GCNT2: variants seen among roughly 807,000 people sequenced by gnomAD.
GCNT2 encodes the protein glucosaminyl (N-acetyl) transferase 2 (I blood group), also known as N-acetyllactosaminide beta-1,6-N-acetylglucosaminyl-transferase.
GCNT2 carries 34 observed loss-of-function variants against 34.2 expected under a neutral mutation model. The ratio of observed to expected loss-of-function variants is 1.00; its 90% CI spans 0.76 to 1.32. The LOEUF (loss-of-function observed/expected upper bound fraction) is 1.32. Among genes scored for constraint, GCNT2 ranks in the 40% most tolerant of loss-of-function variants. The pLI is 0.00. For synonymous variants in GCNT2, 212 were observed against 188.0 expected (o/e 1.13, Z -1.04); for missense variants, 584 against 489.4 (o/e 1.19, Z -1.82).
intron 3 of GCNT2, chr6:10,556,387 T>C: frequency 3.1e-6 from 5 of 1,612,542 alleles, no homozygotes; most frequent in Non-Finnish European, 4.2e-6. Flanking sequence ...ACTTACAGAT[T>C]TTGACGGTCT....
intron 3 of GCNT2, among the ~76,000 whole-genome samples, chr6:10,570,021 G>A (rs1763487314): frequency 6.7e-6 from 1 of 150,370 alleles, no homozygotes; most frequent in Admixed American, 6.7e-5. Context: ...CCAGGCTGGA[G>A]TGCATGGCGT....
intron 3 of GCNT2, among the ~76,000 whole-genome samples, chr6:10,599,194 GTAAC>G (rs145130929): frequency 0.028 from 4,292 of 152,266 alleles, 82 homozygotes; most frequent in Middle Eastern, 0.048. Flanking sequence ...GAGGAGCAGA[GTAAC>G]TAAGAATCTG....
chr6:10,535,191 A>G (rs1011132690), intron 3 of GCNT2, among the ~76,000 whole-genome samples: 1 of 152,098 alleles, frequency 6.6e-6, no homozygotes, highest in Non-Finnish European at 1.5e-5. Context: ...CTCAAAAACA[A>G]AAACAGACAA....
chr6:10,594,409 C>T (rs1162958196), intron 3 of GCNT2, among the ~76,000 whole-genome samples: 1 of 152,138 alleles, frequency 6.6e-6, no homozygotes, highest in Non-Finnish European at 1.5e-5. Flanking sequence ...ATGCAAATAA[C>T]TGATATTTGG....
At chr6:10,545,056 G>C (rs1581385876) in intron 3 of GCNT2, among the ~76,000 whole-genome samples, 3 of 152,150 alleles carry the variant, frequency 2.0e-5, no homozygotes, top group African/African-American at 7.2e-5. Flanking sequence ...ACTATGATTA[G>C]ATTCCTTTTC....
chr6:10,537,562 G>A (rs776110669), intron 3 of GCNT2, among the ~76,000 whole-genome samples: 9 of 151,766 alleles, frequency 5.9e-5, no homozygotes, highest in Admixed American at 3.3e-4. Flanking sequence ...TTAGCCGGGC[G>A]TGGTGGCGGG....
At chr6:10,613,464 T>C (rs960821179) in intron 3 of GCNT2, among the ~76,000 whole-genome samples, 1 of 152,002 alleles carries the variant, frequency 6.6e-6, no homozygotes, top group African/African-American at 2.4e-5. Flanking sequence ...CTACCCATAC[T>C]CCCCATAACT....
chr6:10,552,595 A>C (rs1212529032), intron 3 of GCNT2, among the ~76,000 whole-genome samples: 1 of 152,096 alleles, frequency 6.6e-6, no homozygotes, highest in Non-Finnish European at 1.5e-5. Context: ...GAGATGATTT[A>C]AAGTACAAGA....
At chr6:10,579,175 A>G in intron 3 of GCNT2, among the ~76,000 whole-genome samples, 1 of 152,060 alleles carries the variant, frequency 6.6e-6, no homozygotes, top group African/African-American at 2.4e-5. Context: ...ACCTTTTCTT[A>G]TTAATTTATA....
chr6:10,575,048 T>C (rs1303127630), intron 3 of GCNT2: 1 of 616,080 alleles, frequency 1.6e-6, no homozygotes, highest in Non-Finnish European at 3.0e-6. Flanking sequence ...ACTCTTCCCA[T>C]TTAGCCATGG....
intron 3 of GCNT2, among the ~76,000 whole-genome samples, chr6:10,615,746 T>C (rs777466055): frequency 3.9e-5 from 6 of 152,192 alleles, no homozygotes; most frequent in African/African-American, 9.7e-5. Context: ...CCCATTTTTA[T>C]GGTTATTTCT....
intron 3 of GCNT2, chr6:10,575,360 T>C (rs939102916): frequency 7.3e-6 from 1 of 136,370 alleles, no homozygotes; most frequent in Non-Finnish European, 1.5e-5. Flanking sequence ...GGGTTGACAT[T>C]TTTTTTTTTT....
intron 3 of GCNT2, among the ~76,000 whole-genome samples, chr6:10,599,397 G>A (rs1381055291): frequency 1.3e-5 from 2 of 152,214 alleles, no homozygotes; most frequent in African/African-American, 2.4e-5. Context: ...AGTAAAATAT[G>A]TGGTGTTGTT....
At chr6:10,612,732 A>G (rs1016838993) in intron 3 of GCNT2, among the ~76,000 whole-genome samples, 2 of 152,216 alleles carry the variant, frequency 1.3e-5, no homozygotes, top group Admixed American at 6.5e-5. Context: ...AAGAGATTCA[A>G]TAGTTGTTCA....
intron 3 of GCNT2, among the ~76,000 whole-genome samples, chr6:10,547,023 A>G (rs1762303123): frequency 6.6e-6 from 1 of 152,166 alleles, no homozygotes; most frequent in African/African-American, 2.4e-5. Context: ...GAGATCACAA[A>G]GATTTCCTTT....
At chr6:10,614,557 C>T (rs945240897) in intron 3 of GCNT2, among the ~76,000 whole-genome samples, 12 of 143,166 alleles carry the variant, frequency 8.4e-5, no homozygotes, top group African/African-American at 2.4e-4. Flanking sequence ...AGCTGGGAAG[C>T]GGAGGTTGCA....
At chr6:10,547,497 T>A (rs2113620126) in intron 3 of GCNT2, among the ~76,000 whole-genome samples, 1 of 152,338 alleles carries the variant, frequency 6.6e-6, no homozygotes, top group Middle Eastern at 3.4e-3. Flanking sequence ...TTTCTCATGA[T>A]TAAATTTAGG....
chr6:10,563,777 A>ATATATATATATATAT (rs1338202375), intron 3 of GCNT2, among the ~76,000 whole-genome samples: 1 of 24,714 alleles, frequency 4.0e-5, no homozygotes, highest in Non-Finnish European at 7.6e-5. Context: ...AAAAAAAAAA[A>ATATATATATATATAT]ATATATATAT....
At chr6:10,556,975 C>A in intron 3 of GCNT2, 1 of 1,613,812 alleles carries the variant, frequency 6.2e-7, no homozygotes, top group South Asian at 1.1e-5. Flanking sequence ...CATGGAAGTA[C>A]GTTATCAACA....
Sources: allele counts gnomAD v4.1 joint callset (sites outside exome capture counted in the v4.1 genomes callset), GRCh38; gene constraint gnomAD v4.1.1; transcripts MANE v1.5; gene names NCBI Gene and HGNC (gene_info 2026-07-23, HGNC 2026-07-21).